PRKDC: variants seen among roughly 807,000 people sequenced by gnomAD.
The protein encoded by PRKDC is protein kinase, DNA-activated, catalytic subunit, also known as DNA-dependent protein kinase catalytic subunit.
A neutral mutation model predicts 486.9 loss-of-function variants in PRKDC; 82 were observed. The observed-to-expected ratio is 0.17, with a 90% confidence interval of 0.14 to 0.20. The LOEUF (loss-of-function observed/expected upper bound fraction) is 0.20, where lower values mean the gene tolerates loss of function less well. Among genes scored for constraint, PRKDC ranks in the 10% least tolerant of loss-of-function variants. PRKDC has a pLI of 1.00. For synonymous variants in PRKDC, 1,895 were observed against 1,837.0 expected (o/e 1.03, Z -0.81); for missense variants, 4,504 against 5,038.2 (o/e 0.89, Z 3.21).
At chr8:47,855,486 TG>T in intron 49 of PRKDC, 113 bp from the exon 50 acceptor site, 1 of 1,115,082 alleles carries the variant, frequency 9.0e-7, no homozygotes, top group Admixed American at 3.0e-5. Flanking sequence ...GTCCGGCTCC[TG>T]TTGAAAGCCC....
At chr8:47,873,504 A>C (rs1247940493) in intron 40 of PRKDC, among the ~76,000 whole-genome samples, 1 of 151,990 alleles carries the variant, frequency 6.6e-6, no homozygotes, top group Non-Finnish European at 1.5e-5. Context: ...AGATCATGCC[A>C]CTGCACTCCA....
chr8:47,949,261 G>A (rs766539469), intron 7 of PRKDC, among the ~76,000 whole-genome samples: 5 of 152,296 alleles, frequency 3.3e-5, no homozygotes, highest in African/African-American at 4.8e-5. Flanking sequence ...CCTTAATTCC[G>A]CTATGCCATG....
Position 47,911,521 on chromosome 8 carries a change from C to G in PRKDC, c.2934+889G>C, listed in dbSNP as rs138820300. Among the ~76,000 whole-genome samples the G allele has an allele frequency of 1.9e-4, 29 of 152,324 alleles. No homozygotes were observed. The East Asian group carries it at 5.6e-3, about 29-fold the overall frequency. On this transcript the variant is annotated intron_variant, in intron 25 of 85. Transcript: ENST00000314191. ...TTTCACTATGAGCTCTATTTAATCA[C>G]AGTGCATCTGAACATACTGCTGGAC...
chr8:47,834,754 G>A (rs1329032253), intron 58 of PRKDC, among the ~76,000 whole-genome samples: 18 of 146,308 alleles, frequency 1.2e-4, no homozygotes, highest in African/African-American at 3.9e-4. Context: ...GCAGTGGCGC[G>A]ATCTCGGCTC....
rs200991757 is a variant in PRKDC at position 47,951,860 on chromosome 8, C to G, written c.721+1760G>C. 5.3e-5 allele frequency among the ~76,000 whole-genome samples: 8 copies of G among 152,280 alleles called. No homozygotes were observed. In the East Asian group the frequency reaches 1.3e-3, roughly 26 times the overall value. ...CAAATGGTGAGTACATGAAAAGATG[C>G]ACAACCAACGTCACTCATCATCAGG... On this transcript the variant is annotated intron_variant, in intron 7 of 85. Coordinates refer to ENST00000314191, the MANE Select transcript of PRKDC (RefSeq NM_006904.7).
chr8:47,914,413 C>A (rs1454569598), intron 23 of PRKDC, among the ~76,000 whole-genome samples: 1 of 152,100 alleles, frequency 6.6e-6, no homozygotes, highest in African/African-American at 2.4e-5. Context: ...CAGGCTCTAA[C>A]TCCCTAAATA....
intron 54 of PRKDC, 108 bp from the exon 55 acceptor site, chr8:47,840,297 A>T (rs1001151853): frequency 1.3e-6 from 1 of 789,366 alleles, no homozygotes; most frequent in Non-Finnish European, 2.0e-6. Flanking sequence ...GTTATAATAG[A>T]TAACGCTACA....
At chr8:47,841,329 C>T (rs73571488) in intron 54 of PRKDC, among the ~76,000 whole-genome samples, 5,174 of 152,196 alleles carry the variant, frequency 0.034, 245 homozygotes, top group African/African-American at 0.11. Context: ...GTCACTCTAT[C>T]CCCTGCTGAA....
intron 14 of PRKDC, among the ~76,000 whole-genome samples, chr8:47,934,739 T>TAGCA (rs2090319005): frequency 6.6e-6 from 1 of 152,146 alleles, no homozygotes; most frequent in Non-Finnish European, 1.5e-5. Flanking sequence ...CCTTAGCAAT[T>TAGCA]TGTCCTAGAG....
At chr8:47,891,047 C>T (rs771551905) in intron 31 of PRKDC, among the ~76,000 whole-genome samples, 4 of 152,188 alleles carry the variant, frequency 2.6e-5, no homozygotes, top group African/African-American at 7.2e-5. Flanking sequence ...AATCCTCAAA[C>T]GGGCTTTGTC....
chr8:47,908,948 T>A (rs970959900), intron 25 of PRKDC, among the ~76,000 whole-genome samples: 13 of 152,212 alleles, frequency 8.5e-5, no homozygotes, highest in Admixed American at 2.6e-4. Context: ...TCCTCTGAAC[T>A]CTTCTCAACT....
chr8:47,803,373 G>A lies in PRKDC; in HGVS notation c.9855C>T (p.His3285=). 6.2e-7 allele frequency: 1 copy of A among 1,614,064 alleles called. No individual in the cohort carries two copies. Among genetic ancestry groups the A allele is most frequent in the Non-Finnish European group, 8.5e-7 (1 of 1,179,908 alleles). ...AGCAGCCCTGGGACCGGCTCCGGCA[G>A]TGGCTCAGGCGGCAGTAGCTCTGCA... ...SWVQSYCRLS[H]CRSRSQGCSE... Residue 3285 remains histidine (H), a synonymous_variant, in exon 70 of 86, where the codon CAC becomes CAT. Coordinates refer to ENST00000314191, the MANE Select transcript of PRKDC (RefSeq NM_006904.7).
In PRKDC at chr8:47,859,112, G is replaced by A. The variant is rs8178146; in HGVS notation, c.6208-126C>T. 102 of 1,022,198 alleles carry A rather than the reference G, an allele frequency of 1.0e-4. 3 individuals carry two copies. The East Asian group carries it at 1.6e-3, about 16-fold the overall frequency. The allele number at this position is 1,022,198 out of a possible 1,614,324, so 63.3% of individuals were successfully genotyped here. A position where few individuals can be genotyped will look rare whatever the true frequency, so the allele number is the denominator to read the frequency against. On this transcript the variant is annotated intron_variant, in intron 46 of 85. Coordinates refer to ENST00000314191, the MANE Select transcript of PRKDC (RefSeq NM_006904.7). ...AACACTTAGGTAATAATGATAATCTGGTAATAATATCAAATACACTCACTG... is the reference window on the plus strand; with the variant it reads ...AACACTTAGGTAATAATGATAATCTAGTAATAATATCAAATACACTCACTG...
At position 47,929,228 on chromosome 8, in the gene PRKDC, G is replaced by GT. The variant is rs758481519; in HGVS notation, c.2053-51dup. 30 of 1,282,628 alleles carry GT rather than the reference G, an allele frequency of 2.3e-5. No individual in the cohort carries two copies. In the South Asian group the frequency reaches 3.7e-4, roughly 16 times the overall value. 79.5% of individuals were successfully genotyped at this position (1,282,628 alleles called of 1,614,324 possible). On this transcript the variant is annotated intron_variant, in intron 18 of 85. Coordinates refer to ENST00000314191, the MANE Select transcript of PRKDC (RefSeq NM_006904.7). ...TACACTGAACAAGAATCGGGAGACT[G>GT]TATCCCAATCCAGTAGTTCCTAGCC...
chr8:47,789,705 C>A (rs911333128), intron 74 of PRKDC, among the ~76,000 whole-genome samples: 2 of 152,112 alleles, frequency 1.3e-5, no homozygotes, highest in South Asian at 2.1e-4. Flanking sequence ...AAAGATTATT[C>A]ATCATGACCA....
At chr8:47,889,484 C>T (rs777553680) in intron 32 of PRKDC, among the ~76,000 whole-genome samples, 6 of 152,240 alleles carry the variant, frequency 3.9e-5, no homozygotes, top group Non-Finnish European at 8.8e-5. Context: ...GCTTTATCTA[C>T]GGAGCAGGCA....
rs762669277 is a variant in PRKDC, at chr8:47,939,617, G to A, written c.1047C>T (p.Ile349=). The change falls in exon 11 of 86, where the codon ATC becomes ATT. Residue 349 remains isoleucine, a synonymous_variant. Coordinates refer to ENST00000314191, the MANE Select transcript of PRKDC (RefSeq NM_006904.7). ...QYFMEQFYGI[I]RNVDSNNKEL... ...CCTTGTTGTTCGAATCCACATTTCT[G>A]ATGATTCCATAAAACTGCTCCATAA... The A allele has an allele frequency of 1.2e-6, 2 of 1,613,388 alleles. No individual in the cohort carries two copies. The highest frequency in any genetic ancestry group is 1.7e-6 in the Non-Finnish European group (2 of 1,179,472).
intron 37 of PRKDC, 101 bp downstream of exon 37, chr8:47,881,811 C>G: frequency 2.8e-6 from 3 of 1,063,746 alleles, no homozygotes; most frequent in Non-Finnish European, 3.9e-6. Context: ...TCTTATTTGT[C>G]AAACCAATGA....
intron 39 of PRKDC, 107 bp from the exon 40 acceptor site, chr8:47,877,958 TATAAC>T (rs952560754): frequency 6.8e-5 from 55 of 803,246 alleles, no homozygotes; most frequent in Non-Finnish European, 7.7e-5. Flanking sequence ...TAATAAAAAA[TATAAC>T]ATACAGAAAA....
Sources: gnomAD v4.1 joint callset for allele counts (sites outside exome capture counted in the v4.1 genomes callset) on GRCh38, gnomAD v4.1.1 for gene constraint, MANE v1.5 for transcripts, NCBI Gene and HGNC (gene_info 2026-07-23, HGNC 2026-07-21) for gene names.